Variants in AGMO observed in about 807,000 individuals in gnomAD.
The protein encoded by AGMO is alkylglycerol monooxygenase, also known as glyceryl-ether monooxygenase.
Under a neutral mutation model 60.2 loss-of-function variants are expected in AGMO, and 75 were observed. The observed-to-expected ratio is 1.25, with a 90% CI of 1.03 to 1.51. The LOEUF (loss-of-function observed/expected upper bound fraction) is 1.51, where lower values mean the gene tolerates loss of function less well. AGMO is among the 40% of genes most tolerant of loss of function. The pLI is 0.00. For synonymous variants in AGMO, 261 were observed against 177.1 expected (o/e 1.47, Z -3.76); for missense variants, 763 against 525.5 (o/e 1.45, Z -4.42).
Position 15,550,815 on chromosome 7 carries a change from T to G in AGMO, c.258-5892A>C, listed in dbSNP as rs202181657. Among the ~76,000 whole-genome samples the G allele has an allele frequency of 7.6e-3, 1,057 of 139,256 alleles. 9 individuals carry two copies. Among genetic ancestry groups the G allele is most frequent in the Admixed American group, 0.019 (252 of 13,502 alleles). The allele number at this position is 139,256 out of a possible 152,430, so 91.4% of individuals were successfully genotyped here. On this transcript the variant is annotated intron_variant, in intron 2 of 12. Coordinates refer to ENST00000342526, the MANE Select transcript of AGMO (RefSeq NM_001004320.2). ...AGAGGGAATCCTCCCTAACTCATTT[T>G]ATGAGGCCAGCATCATTCTGATACC...
At chr7:15,397,318 G>C (rs1784431332) in intron 5 of AGMO, among the ~76,000 whole-genome samples, 1 of 151,698 alleles carries the variant, frequency 6.6e-6, no homozygotes, top group South Asian at 2.1e-4. Flanking sequence ...CACCGAACCC[G>C]CAGCCGCCCG....
chr7:15,363,483 A>C (rs929811290), intron 12 of AGMO, among the ~76,000 whole-genome samples: 3 of 152,212 alleles, frequency 2.0e-5, no homozygotes, highest in Non-Finnish European at 2.9e-5. Context: ...CGAGCAAAGC[A>C]AGACCAAGAA....
chr7:15,218,198 A>T (rs1253074389), intron 12 of AGMO, among the ~76,000 whole-genome samples: 1 of 152,136 alleles, frequency 6.6e-6, no homozygotes, highest in East Asian at 1.9e-4. Flanking sequence ...AAAATGTAAC[A>T]GTGTGAAATT....
At chr7:15,490,645 A>G (rs1783045874) in intron 3 of AGMO, among the ~76,000 whole-genome samples, 3 of 152,206 alleles carry the variant, frequency 2.0e-5, no homozygotes, top group Admixed American at 6.6e-5. Context: ...AATATTGTGC[A>G]CCATAAACTG....
chr7:15,371,037 G>C (rs1308146839), intron 10 of AGMO, among the ~76,000 whole-genome samples: 1 of 152,078 alleles, frequency 6.6e-6, no homozygotes, highest in Non-Finnish European at 1.5e-5. Context: ...TTCAGTAAGT[G>C]GTAGAGGGAT....
chr7:15,166,320 G>T, the AGMO span, among the ~76,000 whole-genome samples: 83 of 152,222 alleles, frequency 5.5e-4, 1 homozygote, highest in East Asian at 5.6e-3. Flanking sequence ...AGACCACACC[G>T]GTGGATGGAG....
chr7:15,370,895 T>C (rs1353327310), intron 10 of AGMO, among the ~76,000 whole-genome samples: 1 of 152,188 alleles, frequency 6.6e-6, no homozygotes, highest in African/African-American at 2.4e-5. Context: ...TTATTGTAAC[T>C]AGGTCCCATC....
rs369542653 is a variant in AGMO, at chr7:15,344,374, T to C, written c.1263+21140A>G. 1.9e-3 allele frequency among the ~76,000 whole-genome samples: 293 copies of C among 152,254 alleles called. 4 individuals are homozygous for C. In the South Asian group the frequency reaches 0.025, roughly 13 times the overall value. On this transcript the variant is annotated intron_variant, in intron 12 of 12. Transcript: ENST00000342526. ...GTTTTCAATGTAGATCTGATCTTCA[T>C]AGTAAAAACATTTTATAATTTAAAA...
At chr7:15,215,512 A>T (rs1348013504) in intron 12 of AGMO, among the ~76,000 whole-genome samples, 6 of 151,976 alleles carry the variant, frequency 3.9e-5, no homozygotes, top group Non-Finnish European at 8.8e-5. Flanking sequence ...TTAATTTTCA[A>T]AACACACACA....
At chr7:15,219,504 T>A (rs951980014) in intron 12 of AGMO, among the ~76,000 whole-genome samples, 6 of 151,142 alleles carry the variant, frequency 4.0e-5, no homozygotes, top group Admixed American at 6.6e-5. Flanking sequence ...TTTTTTTTTT[T>A]AAAAGAAATT....
intron 3 of AGMO, among the ~76,000 whole-genome samples, chr7:15,517,743 T>G (rs2128533773): frequency 6.6e-6 from 1 of 152,230 alleles, no homozygotes; most frequent in African/African-American, 2.4e-5. Context: ...GGCGGCAGTT[T>G]GGTCAGACAC....
chr7:15,228,190 C>G (rs981803310), intron 12 of AGMO, among the ~76,000 whole-genome samples: 4 of 151,994 alleles, frequency 2.6e-5, no homozygotes, highest in African/African-American at 7.2e-5. Flanking sequence ...ACTTTTCCAA[C>G]AGATAATAGT....
the AGMO span, among the ~76,000 whole-genome samples, chr7:15,166,642 A>G: frequency 3.3e-5 from 5 of 152,266 alleles, no homozygotes; most frequent in East Asian, 9.7e-4. Context: ...AAGTAGAGAA[A>G]CCAGTTAGAA....
the AGMO span, among the ~76,000 whole-genome samples, chr7:15,145,243 A>C: frequency 6.6e-6 from 1 of 152,332 alleles, no homozygotes; most frequent in East Asian, 1.9e-4. Flanking sequence ...ACCATTTTCA[A>C]CTTGCTTCCT....
chr7:15,269,074 C>T (rs185851673), intron 12 of AGMO, among the ~76,000 whole-genome samples: 108 of 152,180 alleles, frequency 7.1e-4, no homozygotes, highest in African/African-American at 2.5e-3. Flanking sequence ...GTGGGCCATA[C>T]ACGTTTTGTT....
intron 3 of AGMO, among the ~76,000 whole-genome samples, chr7:15,441,480 G>T (rs753482563): frequency 6.6e-6 from 1 of 152,118 alleles, no homozygotes; most frequent in African/African-American, 2.4e-5. Context: ...CATTCAAAAG[G>T]AGTTCACATG....
chr7:15,198,219 G>GAGAGAGAGAGAGAGAC (rs1781172935), downstream of AGMO, among the ~76,000 whole-genome samples: 2 of 103,060 alleles, frequency 1.9e-5, no homozygotes, highest in African/African-American at 5.5e-5. Flanking sequence ...GAGAGAGAGA[G>GAGAGAGAGAGAGAGAC]AGAGAGAGAG....
the AGMO span, among the ~76,000 whole-genome samples, chr7:15,118,173 A>ACACACACACAC: frequency 3.2e-3 from 469 of 144,678 alleles, 2 homozygotes; most frequent in Middle Eastern, 6.9e-3. Flanking sequence ...ACTAAAGAGA[A>ACACACACACAC]ACACACACAC....
intron 12 of AGMO, among the ~76,000 whole-genome samples, chr7:15,213,354 T>C (rs1245992370): frequency 6.6e-6 from 1 of 151,840 alleles, no homozygotes; most frequent in Non-Finnish European, 1.5e-5. Flanking sequence ...AGTTTATTTG[T>C]TCAATGCGAG....
Sources: allele counts gnomAD v4.1 joint callset (sites outside exome capture counted in the v4.1 genomes callset), GRCh38; gene constraint gnomAD v4.1.1; transcripts MANE v1.5; gene names NCBI Gene and HGNC (gene_info 2026-07-23, HGNC 2026-07-21).